Variants in YIPF7 observed in about 807,000 individuals in gnomAD.
The protein encoded by YIPF7 is protein YIPF7.
In YIPF7, 35 loss-of-function variants were observed where a neutral mutation model predicts 27.2. The observed-to-expected ratio is 1.29, with a 90% CI of 0.98 to 1.70. YIPF7 has a LOEUF of 1.70. YIPF7 is among the 40% of genes most tolerant of loss of function. The probability of loss-of-function intolerance (pLI) is 0.00; values close to 1 mark genes in which losing one functional copy is unlikely to be tolerated. For missense variants in YIPF7, 358 were observed against 303.7 expected (o/e 1.18, Z -1.33); for synonymous variants, 137 against 110.4 (o/e 1.24, Z -1.51).
At chr4:44,625,099 C>T (rs935115456) in intron 4 of YIPF7, among the ~76,000 whole-genome samples, 2 of 151,998 alleles carry the variant, frequency 1.3e-5, no homozygotes, top group Non-Finnish European at 2.9e-5. Context: ...TATTTTGTTC[C>T]CATATTTATT....
At chr4:44,632,360 C>G (rs187051953) in intron 3 of YIPF7, among the ~76,000 whole-genome samples, 2 of 152,172 alleles carry the variant, frequency 1.3e-5, no homozygotes, top group African/African-American at 4.8e-5. Context: ...CTACTTTCTA[C>G]GCAAATTGTG....
intron 1 of YIPF7, among the ~76,000 whole-genome samples, chr4:44,661,984 C>T (rs13145137): frequency 0.54 from 82,532 of 151,642 alleles, 23,385 homozygotes; most frequent in Non-Finnish European, 0.64. Flanking sequence ...CTTTAATGCT[C>T]TTTCTTTCTT....
At chr4:44,631,768 GAGA>G (rs1712906244) in intron 3 of YIPF7, among the ~76,000 whole-genome samples, 2 of 152,026 alleles carry the variant, frequency 1.3e-5, no homozygotes, top group Non-Finnish European at 2.9e-5. Flanking sequence ...ATTTTTGAAA[GAGA>G]AGAAGACTTT....
In YIPF7 at chr4:44,659,022, A is replaced by C. The variant is rs1358003732; in HGVS notation, c.-2+1427T>G. Among the ~76,000 whole-genome samples the C allele has an allele frequency of 3.3e-5, 5 of 152,180 alleles. No homozygotes were observed. The East Asian group carries it at 9.6e-4, about 29-fold the overall frequency. On this transcript the variant is annotated intron_variant, in intron 2 of 2. Transcript: ENST00000508947. ...TCTATATAAAAATATGAAATATATT[A>C]ATCATTACTAGTATTTAGTTTACAC...
intron 3 of YIPF7, among the ~76,000 whole-genome samples, chr4:44,633,640 G>A (rs180867601): frequency 7.4e-4 from 113 of 152,136 alleles, no homozygotes; most frequent in African/African-American, 2.6e-3. Flanking sequence ...GAAAAGATAT[G>A]CTGGGTTTAA....
intron 4 of YIPF7, among the ~76,000 whole-genome samples, chr4:44,627,754 C>T (rs1252857401): frequency 6.6e-6 from 1 of 152,138 alleles, no homozygotes; most frequent in Non-Finnish European, 1.5e-5. Flanking sequence ...CTCAAATAAA[C>T]TTTTGCCTTG....
upstream of YIPF7, among the ~76,000 whole-genome samples, chr4:44,654,330 T>C (rs1002104710): frequency 1.3e-5 from 2 of 152,050 alleles, no homozygotes; most frequent in African/African-American, 4.8e-5. Context: ...TGTTTCTGTG[T>C]CCTGAATGAC....
At chr4:44,650,938 G>A (rs550256788) in intron 1 of YIPF7, among the ~76,000 whole-genome samples, 10 of 152,178 alleles carry the variant, frequency 6.6e-5, no homozygotes, top group East Asian at 3.9e-4. Flanking sequence ...ATAGAGAAGC[G>A]ACTCTTTTCA....
upstream of YIPF7, among the ~76,000 whole-genome samples, chr4:44,656,470 T>A (rs1173998048): frequency 6.6e-6 from 1 of 152,216 alleles, no homozygotes; most frequent in African/African-American, 2.4e-5. Flanking sequence ...TATTAATTAA[T>A]GAATATATAA....
At chr4:44,643,230 A>G (rs1276351162) in intron 2 of YIPF7, among the ~76,000 whole-genome samples, 4 of 152,312 alleles carry the variant, frequency 2.6e-5, no homozygotes, top group South Asian at 2.1e-4. Flanking sequence ...TCTATGCTTT[A>G]GCAAAGAGAC....
rs948247929 is a variant in YIPF7 at position 44,622,295 on chromosome 4, G to C, written c.*119C>G. 2.4e-6 allele frequency: 3 copies of C among 1,260,348 alleles called. No individual in the cohort carries two copies. Among genetic ancestry groups the C allele is most frequent in the Non-Finnish European group, 2.2e-6 (2 of 918,910 alleles). The allele number at this position is 1,260,348 out of a possible 1,614,324, so 78.1% of individuals were successfully genotyped here. A position where few individuals can be genotyped will look rare whatever the true frequency, so the allele number is the denominator to read the frequency against. On this transcript the variant is annotated 3_prime_UTR_variant, in exon 6 of 6. Coordinates refer to ENST00000415895, the MANE Select transcript of YIPF7 (RefSeq NM_182592.3). ...CCCTTAAGTGCTGCTTTGTCTCTCT[G>C]CTTATTACTCTCTCAAAAGCAATAA... is the stretch of plus-strand genomic sequence containing the variant.
intron 5 of YIPF7, among the ~76,000 whole-genome samples, chr4:44,624,050 TTC>T (rs200880527): frequency 4.6e-5 from 7 of 151,640 alleles, no homozygotes; most frequent in African/African-American, 1.2e-4. Flanking sequence ...CAGTTTTTTT[TTC>T]TCTCTCTCTT....
At chr4:44,644,429 C>T (rs949441122) in intron 2 of YIPF7, among the ~76,000 whole-genome samples, 1 of 152,232 alleles carries the variant, frequency 6.6e-6, no homozygotes, top group South Asian at 2.1e-4. Context: ...GGGCTGCACA[C>T]AGCCTGTGGG....
chr4:44,647,585 T>G (rs762797344), intron 2 of YIPF7, among the ~76,000 whole-genome samples: 1 of 152,174 alleles, frequency 6.6e-6, no homozygotes, highest in African/African-American at 2.4e-5. Flanking sequence ...AACATTTTCC[T>G]GTTTTTTTTC....
chr4:44,622,491 T>C lies in YIPF7; in HGVS notation c.694A>G (p.Met232Val), dbSNP rs1432877486. ...GCAACAAGAAGCTGCTGTCCTTCCA[T>C]GTGCAAGGCTGCAATGAAGATCTTG... ...ASKIFIAALH[M>V]EGQQLLVAYP... The change falls in exon 6 of 6, where the codon ATG (methionine) becomes GTG (valine). Residue 232 changes from methionine to valine, a missense_variant. Physicochemically the swap from Met to Val is conservative, Grantham distance 21. Coordinates refer to ENST00000415895, the MANE Select transcript of YIPF7 (RefSeq NM_182592.3). The C allele has an allele frequency of 2.5e-6, 4 of 1,613,934 alleles. No individual in the cohort carries two copies. Among genetic ancestry groups the C allele is most frequent in the Non-Finnish European group, 3.4e-6 (4 of 1,179,850 alleles).
rs1446720350 is a variant in YIPF7 at position 44,649,985 on chromosome 4, T to A, written c.116A>T (p.Lys39Ile). Residue 39 changes from lysine to isoleucine, a missense_variant and splice_region_variant, in exon 2 of 6, where the codon AAA (lysine) becomes ATA (isoleucine). Transcript: ENST00000415895. The stretch of plus-strand genomic sequence containing the variant: ...AAAAAGAAAAATATTAAGTACTTAC[T>A]TTCTAGATCCATAAAGATTTCCATA... ...NAYGNLYGSR[K>I]QQAGEQPQPA... is the part of the protein sequence containing the mutation. 1 of 1,472,954 alleles carries A rather than the reference T, an allele frequency of 6.8e-7. No homozygotes were observed. The highest frequency in any genetic ancestry group is 1.3e-5 in the South Asian group (1 of 77,052). The allele number at this position is 1,472,954 out of a possible 1,614,324, so 91.2% of individuals were successfully genotyped here.
intron 2 of YIPF7, among the ~76,000 whole-genome samples, chr4:44,649,462 T>C (rs1713646965): frequency 1.3e-5 from 2 of 152,178 alleles, no homozygotes; most frequent in South Asian, 4.1e-4. Context: ...GCCATAATAT[T>C]AAGACTTCTT....
chr4:44,643,372 CTA>C (rs1281825770), intron 2 of YIPF7, among the ~76,000 whole-genome samples: 4 of 152,084 alleles, frequency 2.6e-5, no homozygotes, highest in African/African-American at 9.7e-5. Flanking sequence ...TTCTAACAAT[CTA>C]TGTTTATATA....
upstream of YIPF7, among the ~76,000 whole-genome samples, chr4:44,652,985 T>C (rs763576363): frequency 7.2e-5 from 11 of 152,084 alleles, no homozygotes; most frequent in Non-Finnish European, 1.3e-4. Flanking sequence ...AATATACTGT[T>C]AAGATGGAGA....
Sources: gnomAD v4.1 joint callset for allele counts (sites outside exome capture counted in the v4.1 genomes callset) on GRCh38, gnomAD v4.1.1 for gene constraint, MANE v1.5 for transcripts, NCBI Gene and HGNC (gene_info 2026-07-23, HGNC 2026-07-21) for gene names.